The following FGD3 variants were observed in gnomAD, a reference collection of about 807,000 sequenced individuals.
FGD3 encodes the protein FYVE, RhoGEF and PH domain containing 3.
In FGD3, 45 loss-of-function variants were observed where a neutral mutation model predicts 71.8. The ratio of observed to expected loss-of-function variants is 0.63; its 90% CI spans 0.49 to 0.80. The LOEUF (loss-of-function observed/expected upper bound fraction) is 0.80, where lower values mean the gene tolerates loss of function less well. FGD3 is among the 30% of genes least tolerant of loss of function. FGD3 has a pLI of 0.00. For synonymous variants in FGD3, 378 were observed against 392.8 expected, an observed-to-expected ratio of 0.96 and a Z score of 0.44; for missense variants, 844 against 951.5, an observed-to-expected ratio of 0.89 and a Z score of 1.49.
Position 92,976,353 on chromosome 9 carries a change from C to T in FGD3, c.97C>T (p.Gln33Ter). The change falls in exon 3 of 18, where the codon CAG (glutamine) becomes TAG (stop). Residue 33 changes from glutamine (Q) to a stop codon, truncating the protein, a stop_gained. Transcript: ENST00000375482. LOFTEE classifies it high-confidence loss of function. ...GPGSSSLGKL[Q>*]ALPVGPRAHC... ...TGGCAGTTCCTCCCTAGGGAAGCTT[C>T]AGGCGCTCCCTGTTGGGCCCAGAGC... is the stretch of plus-strand genomic sequence containing the variant. The T allele has an allele frequency of 6.2e-7, 1 of 1,610,596 alleles. No individual in the cohort carries two copies. Among genetic ancestry groups the T allele is most frequent in the Non-Finnish European group, 8.5e-7 (1 of 1,179,046 alleles).
At chr9:93,021,323 G>A (rs925191491) in intron 13 of FGD3, among the ~76,000 whole-genome samples, 1 of 152,276 alleles carries the variant, frequency 6.6e-6, no homozygotes, top group South Asian at 2.1e-4. Context: ...GGAAAGAGGC[G>A]GGGCTGCAGG....
chr9:92,967,185 A>G (rs993983193), intron 1 of FGD3, among the ~76,000 whole-genome samples: 7 of 151,502 alleles, frequency 4.6e-5, no homozygotes, highest in Non-Finnish European at 1.0e-4. Context: ...CTGGTCTTGA[A>G]CTCCTGACCT....
intron 1 of FGD3, among the ~76,000 whole-genome samples, chr9:92,970,991 A>G (rs1303727054): frequency 2.0e-5 from 3 of 152,164 alleles, no homozygotes; most frequent in African/African-American, 7.2e-5. Flanking sequence ...TTTTTATTTT[A>G]AAACAACGCA....
intron 3 of FGD3, among the ~76,000 whole-genome samples, chr9:92,993,716 T>G (rs1276153820): frequency 6.6e-6 from 1 of 152,196 alleles, no homozygotes; most frequent in Non-Finnish European, 1.5e-5. Flanking sequence ...ACATGCGGTG[T>G]TTGGTTTTCC....
intron 12 of FGD3, 76 bp from the exon 13 acceptor site, chr9:93,020,241 G>A (rs1049484491): frequency 2.5e-5 from 35 of 1,390,430 alleles, no homozygotes; most frequent in Non-Finnish European, 3.1e-5. Flanking sequence ...TCGGGACAGA[G>A]GCAGGCGCGT....
At chr9:92,979,204 T>C (rs1859895261) in intron 3 of FGD3, among the ~76,000 whole-genome samples, 1 of 152,156 alleles carries the variant, frequency 6.6e-6, no homozygotes, top group South Asian at 2.1e-4. Flanking sequence ...GAGGAAAAGT[T>C]TTAGTCTTTC....
At chr9:93,027,774 C>CAT (rs1862174244) in intron 14 of FGD3, among the ~76,000 whole-genome samples, 1 of 130,200 alleles carries the variant, frequency 7.7e-6, no homozygotes, top group Non-Finnish European at 1.5e-5. Flanking sequence ...GGCTGGAGTG[C>CAT]AATGGTGTGA....
intron 6 of FGD3, among the ~76,000 whole-genome samples, chr9:93,009,929 G>A (rs1273818288): frequency 3.9e-5 from 6 of 152,188 alleles, no homozygotes; most frequent in Non-Finnish European, 8.8e-5. Context: ...TGAGAGTGGG[G>A]AAAAGCCACT....
At chr9:93,010,200 C>A in intron 6 of FGD3, 46 bp from the exon 7 acceptor site, 1 of 1,553,146 alleles carries the variant, frequency 6.4e-7, no homozygotes, top group Non-Finnish European at 8.8e-7. Context: ...GGCTGGCATC[C>A]ACACACGTGT....
At chr9:92,992,815 C>T (rs62571835) in intron 3 of FGD3, among the ~76,000 whole-genome samples, 2,305 of 152,218 alleles carry the variant, frequency 0.015, 27 homozygotes, top group Non-Finnish European at 0.022. Context: ...GATCCTAATC[C>T]GGGTGATGTA....
At position 93,018,408 on chromosome 9, in the gene FGD3, G is replaced by T. The variant is rs563951064; in HGVS notation, c.1355+193G>T. The stretch of plus-strand genomic sequence containing the variant: ...AATCACTGAGATGATTATTGCCAAG[G>T]AAGAAGCTTTAATTGGCCGAGGAGA... On this transcript the variant is annotated intron_variant, in intron 11 of 17. Transcript: ENST00000375482. Among the ~76,000 whole-genome samples, 100 of 152,266 alleles carry T rather than the reference G, an allele frequency of 6.6e-4. 1 individual carries two copies. Among genetic ancestry groups the T allele is most frequent in the Non-Finnish European group, 1.1e-3 (75 of 68,018 alleles).
chr9:92,952,515 G>A (rs1484132542), intron 1 of FGD3, among the ~76,000 whole-genome samples: 9 of 152,104 alleles, frequency 5.9e-5, no homozygotes, highest in Admixed American at 5.9e-4. Context: ...GGGATTACAG[G>A]TGTGAGCCAC....
intron 1 of FGD3, among the ~76,000 whole-genome samples, chr9:92,968,452 T>C (rs1859412588): frequency 6.6e-6 from 1 of 151,958 alleles, no homozygotes; most frequent in Non-Finnish European, 1.5e-5. Flanking sequence ...CACTGAGTTC[T>C]CAGCAGAGAT....
chr9:92,978,009 G>A (rs562923960), intron 3 of FGD3, among the ~76,000 whole-genome samples: 12 of 152,270 alleles, frequency 7.9e-5, no homozygotes, highest in East Asian at 7.7e-4. Context: ...CTGGCTGGGC[G>A]CGGTGGCTCA....
chr9:92,991,316 C>T (rs1455455525), intron 3 of FGD3, among the ~76,000 whole-genome samples: 3 of 152,112 alleles, frequency 2.0e-5, no homozygotes, highest in African/African-American at 7.2e-5. Flanking sequence ...TAGGCTCAAG[C>T]AGTATGCCAG....
At chr9:92,956,838 CTTTTTTTTTTT>C (rs71364336) in intron 1 of FGD3, among the ~76,000 whole-genome samples, 1 of 138,726 alleles carries the variant, frequency 7.2e-6, no homozygotes, top group South Asian at 2.2e-4. Context: ...TGCTTTCTTT[CTTTTTTTTTTT>C]TTTTTTGAAG....
At position 93,035,921 on chromosome 9, in the gene FGD3, C is replaced by T; in HGVS notation, c.*332C>T. On this transcript the variant is annotated 3_prime_UTR_variant, in exon 18 of 18. Transcript: ENST00000375482. ...CAGAAAGAGGCAGCATGGGCACTGCCAGGGACAGCCACATCCTGCTGGTCT... is the reference window on the plus strand; with the variant it reads ...CAGAAAGAGGCAGCATGGGCACTGCTAGGGACAGCCACATCCTGCTGGTCT... The T allele has an allele frequency of 3.4e-6, 1 of 292,354 alleles. No homozygotes were observed. Among genetic ancestry groups the T allele is most frequent in the South Asian group, 6.7e-5 (1 of 14,916 alleles). 18.1% of individuals were successfully genotyped at this position (292,354 alleles called of 1,614,324 possible).
Position 92,962,751 on chromosome 9 carries a change from C to G in FGD3, c.-217-12487C>G, listed in dbSNP as rs186878489. ...AGGTCAGGAGTTGAGACCAGCCTGG[C>G]TAACATGGTGAAACCCAGTCTCTAT... On this transcript the variant is annotated intron_variant, in intron 1 of 17. Transcript: ENST00000375482. 2.0e-3 allele frequency among the ~76,000 whole-genome samples: 305 copies of G among 152,160 alleles called. 1 individual carries two copies. Among genetic ancestry groups the G allele is most frequent in the African/African-American group, 6.9e-3 (288 of 41,536 alleles).
At chr9:93,022,937 T>C (rs115741944) in intron 14 of FGD3, among the ~76,000 whole-genome samples, 1,742 of 152,242 alleles carry the variant, frequency 0.011, 25 homozygotes, top group African/African-American at 0.04. Context: ...CCAGGCAGAC[T>C]GTGTCCACGC....
Sources: allele counts gnomAD v4.1 joint callset (sites outside exome capture counted in the v4.1 genomes callset), GRCh38; gene constraint gnomAD v4.1.1; transcripts MANE v1.5; gene names NCBI Gene and HGNC (gene_info 2026-07-23, HGNC 2026-07-21).